Variants in PCDHGA7 observed in about 807,000 individuals in gnomAD.
The protein encoded by PCDHGA7 is protocadherin gamma-A7.
In PCDHGA7, 44 loss-of-function variants were observed where a neutral mutation model predicts 58.3. The observed-to-expected ratio is 0.75, with a 90% CI of 0.59 to 0.97. The LOEUF is 0.97. Ranked by LOEUF, PCDHGA7 falls within the 50% of genes least tolerant of loss-of-function variation. The probability of loss-of-function intolerance (pLI) is 0.00; values close to 1 mark genes in which losing one functional copy is unlikely to be tolerated. For missense variants in PCDHGA7, 1,266 were observed against 1,188.7 expected, an observed-to-expected ratio of 1.06 and a Z score of -0.96; for synonymous variants, 516 against 504.2, an observed-to-expected ratio of 1.02 and a Z score of -0.31.
chr5:141,450,450 C>T (rs964666176), intron 1 of PCDHGA7, among the ~76,000 whole-genome samples: 5 of 151,996 alleles, frequency 3.3e-5, no homozygotes, highest in African/African-American at 9.7e-5. Context: ...TTTTATGTTT[C>T]CTCGTGATTT....
Position 141,431,003 on chromosome 5 carries a change from G to C in PCDHGA7, c.2424+45680G>C. The C allele has an allele frequency of 6.2e-7, 1 of 1,614,078 alleles. No individual in the cohort carries two copies. The highest frequency in any genetic ancestry group is 8.5e-7 in the Non-Finnish European group (1 of 1,179,974). On this transcript the variant is annotated intron_variant, in intron 1 of 3. Transcript: ENST00000518325. The surrounding 1 kb of genome is among the most constrained non-coding windows in gnomAD (Gnocchi z 4.8). ...GCTTTTCGCCCTGAATCCGCGCAGC[G>C]GCAGCTTGGTCACGGCGGGCAGGAT... is the stretch of plus-strand genomic sequence containing the variant.
intron 1 of PCDHGA7, chr5:141,413,040 C>G: frequency 1.2e-6 from 1 of 840,546 alleles, no homozygotes; most frequent in Non-Finnish European, 1.8e-6. Flanking sequence ...GGCTGCTGGG[C>G]TGCAGGGAAG....
intron 1 of PCDHGA7, chr5:141,415,325 C>G: frequency 6.2e-7 from 1 of 1,614,212 alleles, no homozygotes; most frequent in Non-Finnish European, 8.5e-7. Flanking sequence ...GTGCTGCTGG[C>G]GCACAGGCTG....
chr5:141,511,391 C>G lies in PCDHGA7; in HGVS notation c.*218C>G. ...TGCAAAAGCAGTTCCGCTGGGAACC[C>G]CCATCCAATCAACTGCTGTACCCAT... is the stretch of plus-strand genomic sequence containing the variant. On this transcript the variant is annotated 3_prime_UTR_variant, in exon 4 of 4. Coordinates refer to ENST00000518325, the MANE Select transcript of PCDHGA7 (RefSeq NM_018920.4). 2.8e-6 allele frequency: 3 copies of G among 1,079,748 alleles called. No homozygotes were observed. The highest frequency in any genetic ancestry group is 3.3e-5 in the South Asian group (2 of 60,136). The allele number at this position is 1,079,748 out of a possible 1,614,324, so 66.9% of individuals were successfully genotyped here. A position where few individuals can be genotyped will look rare whatever the true frequency, so the allele number is the denominator to read the frequency against.
chr5:141,395,538 TTGTTTGTGTG>T, intron 1 of PCDHGA7: 1 of 225,786 alleles, frequency 4.4e-6, no homozygotes, highest in Non-Finnish European at 7.1e-6. Context: ...AATTTTGCTA[TTGTTTGTGTG>T]TGTGTGTGTG....
At chr5:141,401,599 G>A (rs368569328) in intron 1 of PCDHGA7, among the ~76,000 whole-genome samples, 22 of 152,278 alleles carry the variant, frequency 1.4e-4, no homozygotes, top group African/African-American at 4.8e-4. Context: ...CTTGAAGAAG[G>A]GGAAAAAGAC....
chr5:141,402,153 T>A (rs2094231712), intron 1 of PCDHGA7, among the ~76,000 whole-genome samples: 1 of 152,166 alleles, frequency 6.6e-6, no homozygotes, highest in Non-Finnish European at 1.5e-5. Flanking sequence ...TTAGCAATAT[T>A]AGGCGAGAAC....
intron 1 of PCDHGA7, among the ~76,000 whole-genome samples, chr5:141,479,077 A>G (rs1393042749): frequency 6.6e-6 from 1 of 152,224 alleles, no homozygotes; most frequent in Non-Finnish European, 1.5e-5. Context: ...ATGAAATGAA[A>G]TTCCAGGCAT....
intron 1 of PCDHGA7, chr5:141,433,012 G>A (rs1402902269): frequency 2.5e-6 from 4 of 1,614,054 alleles, no homozygotes; most frequent in Non-Finnish European, 3.4e-6. Flanking sequence ...CTTTCCTGCA[G>A]ACCTATTCCC....
chr5:141,435,906 A>C (rs1246100275), intron 1 of PCDHGA7, among the ~76,000 whole-genome samples: 1 of 152,182 alleles, frequency 6.6e-6, no homozygotes, highest in African/African-American at 2.4e-5. Context: ...AAAGACATCC[A>C]AGGGCTCTAA....
At chr5:141,413,858 G>A (rs751172785) in intron 1 of PCDHGA7, 28 of 1,613,140 alleles carry the variant, frequency 1.7e-5, no homozygotes, top group African/African-American at 4.0e-5. Context: ...CTCCGATCTG[G>A]CACTGTCCTT....
At position 141,489,185 on chromosome 5, in the gene PCDHGA7, T is replaced by TCTA; in HGVS notation, c.2425-5620_2425-5618dup. Reference sequence around the variant, plus strand: ...CAGCTGCTGCATTCCAAGCCCTGGGTCTACCTTGGAGACAGGACAGCACAG... The same window carrying TCTA: ...CAGCTGCTGCATTCCAAGCCCTGGGTCTACTACCTTGGAGACAGGACAGCACAG... On this transcript the variant is annotated intron_variant, in intron 1 of 3. Coordinates refer to ENST00000518325, the MANE Select transcript of PCDHGA7 (RefSeq NM_018920.4). This position sits in a 1 kb window ranked among gnomAD's most constrained non-coding sequence, Gnocchi z 4.5. 7.8e-7 allele frequency: 1 copy of TCTA among 1,286,838 alleles called. No homozygotes were observed. The highest frequency in any genetic ancestry group is 1.5e-5 in the South Asian group (1 of 65,798). The allele number at this position is 1,286,838 out of a possible 1,614,324, so 79.7% of individuals were successfully genotyped here.
rs1445366017 is a variant in PCDHGA7 at position 141,383,303 on chromosome 5, C to T, written c.404C>T (p.Thr135Met). 4 of 1,613,892 alleles carry T rather than the reference C, an allele frequency of 2.5e-6. No individual in the cohort carries two copies. ...DINDNVPRFL[T>M]EEINVKIMEN... Reference sequence around the variant, plus strand: ...AATGACAACGTTCCAAGATTCTTGACGGAAGAAATAAATGTAAAAATAATG... The same window carrying T: ...AATGACAACGTTCCAAGATTCTTGATGGAAGAAATAAATGTAAAAATAATG... Residue 135 changes from threonine (T) to methionine (M), a missense_variant, in exon 1 of 4, where the codon ACG (threonine) becomes ATG (methionine). Physicochemically the swap from Thr to Met is moderately conservative, Grantham distance 81 (BLOSUM62 -1). Transcript: ENST00000518325.
At chr5:141,421,025 A>C (rs1047305594) in intron 1 of PCDHGA7, 4 of 526,168 alleles carry the variant, frequency 7.6e-6, no homozygotes, top group African/African-American at 5.9e-5. Context: ...GCTGCGCGCC[A>C]TTGAGTCCCT....
At chr5:141,468,871 T>TAAG (rs796694379) in intron 1 of PCDHGA7, among the ~76,000 whole-genome samples, 1 of 148,338 alleles carries the variant, frequency 6.7e-6, no homozygotes, top group African/African-American at 2.5e-5. Flanking sequence ...ATCTCAAAAA[T>TAAG]AATAATAATA....
At chr5:141,404,771 C>A in intron 1 of PCDHGA7, 2 of 1,613,870 alleles carry the variant, frequency 1.2e-6, no homozygotes, top group African/African-American at 1.3e-5. Context: ...GCTCTCCTAC[C>A]GCCTATTCAA....
chr5:141,420,047 G>T lies in PCDHGA7; in HGVS notation c.2424+34724G>T. ...TACTGCAGGAGACTGCTTTGAGTCA[G>T]TTCTCTGCTCCAAGTCCGGACCTGT... On this transcript the variant is annotated intron_variant, in intron 1 of 3. Coordinates refer to ENST00000518325, the MANE Select transcript of PCDHGA7 (RefSeq NM_018920.4). 3 of 1,614,076 alleles carry T rather than the reference G, an allele frequency of 1.9e-6. No individual in the cohort carries two copies. The South Asian group carries it at 3.3e-5, about 18-fold the overall frequency.
At chr5:141,394,799 A>G in intron 1 of PCDHGA7, 5 of 1,613,808 alleles carry the variant, frequency 3.1e-6, no homozygotes, top group Admixed American at 1.7e-5. Context: ...CGCTCACCGT[A>G]GCCGTGGCTG....
intron 1 of PCDHGA7, chr5:141,420,323 A>G (rs753373746): frequency 2.1e-6 from 3 of 1,410,102 alleles, no homozygotes; most frequent in East Asian, 2.4e-5. Flanking sequence ...CAATATGCCA[A>G]TATATTCCAA....
Sources: gnomAD v4.1 joint callset for allele counts (sites outside exome capture counted in the v4.1 genomes callset) on GRCh38, gnomAD v4.1.1 for gene constraint, Gnocchi (gnomAD v3.1) non-coding constraint, MANE v1.5 for transcripts, NCBI Gene and HGNC (gene_info 2026-07-23, HGNC 2026-07-21) for gene names.